ADAMTS17: variants seen among roughly 807,000 people sequenced by gnomAD.
ADAMTS17 encodes ADAM metallopeptidase with thrombospondin type 1 motif 17, also known as A disintegrin and metalloproteinase with thrombospondin motifs 17.
A neutral mutation model predicts 141.5 loss-of-function variants in ADAMTS17; 113 were observed. That is an observed-to-expected ratio of 0.80 (90% CI 0.69 to 0.93). The LOEUF (loss-of-function observed/expected upper bound fraction) is 0.93. Ranked by LOEUF, ADAMTS17 falls within the 40% of genes least tolerant of loss-of-function variation. The pLI is 0.00. For synonymous variants in ADAMTS17, 768 were observed against 630.6 expected (o/e 1.22, Z -3.27); for missense variants, 1,659 against 1,517.9 (o/e 1.09, Z -1.54).
chr15:99,989,097 C>A (rs147015949), intron 20 of ADAMTS17, among the ~76,000 whole-genome samples: 1 of 152,210 alleles, frequency 6.6e-6, no homozygotes, highest in Non-Finnish European at 1.5e-5. Context: ...TTGGTTTCCA[C>A]CAAGTAGCCT....
At chr15:100,007,476 A>G (rs1010937359) in intron 18 of ADAMTS17, among the ~76,000 whole-genome samples, 5 of 151,686 alleles carry the variant, frequency 3.3e-5, no homozygotes, top group East Asian at 1.9e-4. Context: ...GCTGGAGTGC[A>G]ATGGCACGAT....
At chr15:100,196,479 C>T (rs973973147) in intron 8 of ADAMTS17, among the ~76,000 whole-genome samples, 3 of 152,244 alleles carry the variant, frequency 2.0e-5, no homozygotes, top group African/African-American at 7.2e-5. Flanking sequence ...TTACACCAAT[C>T]GCCCTACGAC....
rs1010438989 is a variant in ADAMTS17, at chr15:99,993,511, A to G, written c.2797-311T>C. ...TTGTCGGGTCCAAAAGCTCAAGGCAATACGTGAGCTCGAAGGGCAGGTGTG... is the reference window on the plus strand; with the variant it reads ...TTGTCGGGTCCAAAAGCTCAAGGCAGTACGTGAGCTCGAAGGGCAGGTGTG... On this transcript the variant is annotated intron_variant, in intron 19 of 21. Coordinates refer to ENST00000268070, the MANE Select transcript of ADAMTS17 (RefSeq NM_139057.4). The surrounding 1 kb of genome is among the most constrained non-coding windows in gnomAD (Gnocchi z 4.3). Among the ~76,000 whole-genome samples the G allele has an allele frequency of 6.6e-6, 1 of 152,144 alleles. No homozygotes were observed. Among genetic ancestry groups the G allele is most frequent in the African/African-American group, 2.4e-5 (1 of 41,438 alleles).
chr15:100,014,027 G>A (rs897388892), intron 18 of ADAMTS17, among the ~76,000 whole-genome samples: 2 of 151,612 alleles, frequency 1.3e-5, no homozygotes, highest in African/African-American at 2.4e-5. Flanking sequence ...ATTTTTTTTT[G>A]TTGGTAACTT....
intron 7 of ADAMTS17, among the ~76,000 whole-genome samples, chr15:100,212,325 C>G (rs2141724097): frequency 6.6e-6 from 1 of 152,270 alleles, no homozygotes. Flanking sequence ...GACAGACTCA[C>G]AGTCAGGCCC....
intron 15 of ADAMTS17, among the ~76,000 whole-genome samples, chr15:100,079,873 GCTCAT>G (rs2034618765): frequency 6.6e-6 from 1 of 152,166 alleles, no homozygotes; most frequent in South Asian, 2.1e-4. Flanking sequence ...GTGGGCTTAT[GCTCAT>G]GGAATTCACT....
chr15:100,276,778 T>C (rs2044112486), intron 4 of ADAMTS17, among the ~76,000 whole-genome samples: 1 of 152,096 alleles, frequency 6.6e-6, no homozygotes. Flanking sequence ...GCCACAATCC[T>C]TTCCCGTCCT....
chr15:100,115,810 A>T (rs73480800), intron 13 of ADAMTS17, among the ~76,000 whole-genome samples: 2 of 152,098 alleles, frequency 1.3e-5, no homozygotes, highest in African/African-American at 4.8e-5. Context: ...GTTCTTCTTC[A>T]AGCTCCCTCA....
chr15:100,024,770 C>T (rs1457176358), intron 18 of ADAMTS17, among the ~76,000 whole-genome samples: 1 of 152,214 alleles, frequency 6.6e-6, no homozygotes, highest in Non-Finnish European at 1.5e-5. Context: ...CCTTAAGAGG[C>T]AGCAGTGTCC....
Position 100,053,927 on chromosome 15 carries a change from C to T in ADAMTS17, c.2265G>A (p.Lys755=). Residue 755 remains lysine, a synonymous_variant, in exon 16 of 22, where the codon AAG becomes AAA. Coordinates refer to ENST00000268070, the MANE Select transcript of ADAMTS17 (RefSeq NM_139057.4). Reference sequence around the variant, plus strand: ...AGTGCAGCGGTAGTTTGGTTGGTCCCTTGGCAGAGATCTTCTCCCACAGCC... The same window carrying T: ...AGTGCAGCGGTAGTTTGGTTGGTCCTTTGGCAGAGATCTTCTCCCACAGCC... ...RRGLWEKISA[K]GPTKLPLHLM... is the part of the protein sequence containing the mutation. 6.2e-7 allele frequency: 1 copy of T among 1,614,184 alleles called. No individual in the cohort carries two copies. The highest frequency in any genetic ancestry group is 2.2e-5 in the East Asian group (1 of 44,886).
chr15:100,019,626 G>A (rs777919440), intron 18 of ADAMTS17, among the ~76,000 whole-genome samples: 12 of 152,258 alleles, frequency 7.9e-5, no homozygotes, highest in South Asian at 4.1e-4. Context: ...TTGCCACGCC[G>A]TTCATTTTTA....
At chr15:100,210,399 C>T (rs2041763089) in intron 7 of ADAMTS17, among the ~76,000 whole-genome samples, 1 of 152,146 alleles carries the variant, frequency 6.6e-6, no homozygotes, top group Non-Finnish European at 1.5e-5. Flanking sequence ...TCCACACCAC[C>T]ACTTGGTGAG....
At chr15:100,286,447 G>A (rs965922166) in intron 3 of ADAMTS17, among the ~76,000 whole-genome samples, 14 of 152,262 alleles carry the variant, frequency 9.2e-5, no homozygotes, top group East Asian at 1.9e-4. Context: ...CCAGCAGACC[G>A]GGAACACCTC....
At chr15:100,286,220 C>T (rs1399255868) in intron 3 of ADAMTS17, among the ~76,000 whole-genome samples, 2 of 152,192 alleles carry the variant, frequency 1.3e-5, no homozygotes, top group Non-Finnish European at 2.9e-5. Context: ...CCTCCCTCCC[C>T]GCAAAACGTG....
intron 7 of ADAMTS17, among the ~76,000 whole-genome samples, chr15:100,236,558 A>C (rs972596259): frequency 7.9e-5 from 12 of 152,110 alleles, no homozygotes; most frequent in East Asian, 1.9e-4. Context: ...AACAAACAAA[A>C]AAACGGCAGT....
intron 2 of ADAMTS17, among the ~76,000 whole-genome samples, chr15:100,331,920 A>T (rs1002107683): frequency 3.3e-5 from 5 of 152,156 alleles, no homozygotes; most frequent in Admixed American, 6.5e-5. Context: ...ACTCCCCACC[A>T]CACGCAGAGC....
intron 4 of ADAMTS17, among the ~76,000 whole-genome samples, chr15:100,277,992 A>C (rs2044155967): frequency 6.6e-6 from 1 of 152,278 alleles, no homozygotes; most frequent in South Asian, 2.1e-4. Context: ...ATGTCACAAC[A>C]TGAATGAACT....
intron 3 of ADAMTS17, among the ~76,000 whole-genome samples, chr15:100,329,502 G>A (rs780484940): frequency 1.0e-4 from 15 of 149,024 alleles, no homozygotes; most frequent in Non-Finnish European, 2.1e-4. Context: ...CTCCAGCCTG[G>A]GTGACAGAGT....
intron 15 of ADAMTS17, among the ~76,000 whole-genome samples, chr15:100,073,647 A>T (rs375004491): frequency 6.6e-6 from 1 of 151,650 alleles, no homozygotes; most frequent in Non-Finnish European, 1.5e-5. Context: ...ATCATTCTCA[A>T]CAAACTATCA....
Sources: gnomAD v4.1 joint callset for allele counts (sites outside exome capture counted in the v4.1 genomes callset) on GRCh38, gnomAD v4.1.1 for gene constraint, Gnocchi (gnomAD v3.1) non-coding constraint, MANE v1.5 for transcripts, NCBI Gene and HGNC (gene_info 2026-07-23, HGNC 2026-07-21) for gene names.